Variants in COBL observed in about 807,000 individuals in gnomAD.
COBL encodes the protein cordon-bleu WH2 repeat protein.
COBL carries 51 observed loss-of-function variants against 98.8 expected under a neutral mutation model. That is an observed-to-expected ratio of 0.52 (90% CI 0.41 to 0.65). The LOEUF (loss-of-function observed/expected upper bound fraction) is 0.65. COBL is among the 30% of genes least tolerant of loss of function. The probability of loss-of-function intolerance (pLI) is 0.00; values close to 1 mark genes in which losing one functional copy is unlikely to be tolerated. For synonymous variants in COBL, 634 were observed against 651.7 expected (o/e 0.97, Z 0.41); for missense variants, 1,617 against 1,617.5 (o/e 1.00, Z 0.01).
Position 51,043,364 on chromosome 7 carries a change from C to T in COBL, c.1406+19G>A. On this transcript the variant is annotated intron_variant, in intron 8 of 12. Coordinates refer to ENST00000265136, the MANE Select transcript of COBL (RefSeq NM_015198.5). ...TGTGGCTGTGACTTCCGTACCCACC[C>T]ATCCTTCCCGTGACTCACCTCAGAT... 2 of 1,610,560 alleles carry T rather than the reference C, an allele frequency of 1.2e-6. No homozygotes were observed. Among genetic ancestry groups the T allele is most frequent in the East Asian group, 2.2e-5 (1 of 44,834 alleles).
At chr7:51,280,635 A>G (rs925588979) in intron 1 of COBL, among the ~76,000 whole-genome samples, 40 of 152,296 alleles carry the variant, frequency 2.6e-4, no homozygotes, top group Middle Eastern at 3.4e-3. Context: ...AGGTCTAGGG[A>G]AGTAGAAAGC....
intron 7 of COBL, among the ~76,000 whole-genome samples, chr7:51,079,208 G>T (rs1162535168): frequency 6.6e-6 from 1 of 152,134 alleles, no homozygotes; most frequent in Non-Finnish European, 1.5e-5. Context: ...AAGGTGCCAA[G>T]GCTGGATGCT....
intron 1 of COBL, among the ~76,000 whole-genome samples, chr7:51,245,441 C>T (rs894651311): frequency 1.3e-5 from 2 of 152,224 alleles, no homozygotes; most frequent in Non-Finnish European, 2.9e-5. Flanking sequence ...AGCTCTACAA[C>T]ATTTGTACTG....
At chr7:51,043,726 A>C (rs1443357585) in intron 7 of COBL, 34 bp from the exon 8 acceptor site, 2 of 1,583,426 alleles carry the variant, frequency 1.3e-6, no homozygotes, top group African/African-American at 1.3e-5. Context: ...GGTCAGCCCA[A>C]ACCACTCTGG....
At chr7:51,271,659 G>GA (rs907746871) in intron 1 of COBL, among the ~76,000 whole-genome samples, 8 of 152,248 alleles carry the variant, frequency 5.3e-5, no homozygotes, top group South Asian at 2.1e-4. Context: ...ACTGAGGAGG[G>GA]AAAAAACTCA....
At chr7:51,073,458 A>G (rs1274089545) in intron 7 of COBL, 2 of 601,472 alleles carry the variant, frequency 3.3e-6, no homozygotes, top group Non-Finnish European at 3.1e-6. Flanking sequence ...ATTATCATTC[A>G]TTTTCCAGCC....
intron 1 of COBL, among the ~76,000 whole-genome samples, chr7:51,262,572 C>A (rs919254796): frequency 6.6e-6 from 1 of 152,186 alleles, no homozygotes; most frequent in Non-Finnish European, 1.5e-5. Flanking sequence ...TGGGAAGTCA[C>A]GACAGGCAGC....
intron 2 of COBL, among the ~76,000 whole-genome samples, chr7:51,211,945 G>C (rs528035768): frequency 1.1e-4 from 17 of 152,186 alleles, no homozygotes; most frequent in Middle Eastern, 6.8e-3. Flanking sequence ...TCAATGGAAG[G>C]ATAAAAGACA....
At chr7:51,158,105 G>A (rs995282660) in intron 5 of COBL, among the ~76,000 whole-genome samples, 10 of 152,138 alleles carry the variant, frequency 6.6e-5, no homozygotes, top group African/African-American at 2.4e-4. Flanking sequence ...TTTCTTAGTC[G>A]TTAACAAAAA....
chr7:51,288,884 C>A (rs199673010), intron 1 of COBL, among the ~76,000 whole-genome samples: 4 of 118,058 alleles, frequency 3.4e-5, no homozygotes, highest in African/African-American at 3.7e-5. Context: ...TTGTATGCAA[C>A]TAATTTACTC....
At chr7:51,191,106 T>C in intron 3 of COBL, 28 bp from the exon 4 acceptor site, 4 of 1,594,234 alleles carry the variant, frequency 2.5e-6, no homozygotes, top group Non-Finnish European at 3.4e-6. Flanking sequence ...CAAAAAGAAT[T>C]CAGTAAGATA....
intron 1 of COBL, among the ~76,000 whole-genome samples, chr7:51,268,514 A>G (rs2129159616): frequency 6.6e-6 from 1 of 152,298 alleles, no homozygotes; most frequent in South Asian, 2.1e-4. Flanking sequence ...GTTACTAAGC[A>G]TTCACTCTGT....
chr7:51,245,114 C>A (rs1405421000), intron 1 of COBL, among the ~76,000 whole-genome samples: 1 of 152,172 alleles, frequency 6.6e-6, no homozygotes, highest in Non-Finnish European at 1.5e-5. Context: ...TACAGCCAGG[C>A]TTCCTCCACA....
chr7:51,256,449 C>T (rs1311567835), intron 1 of COBL, among the ~76,000 whole-genome samples: 1 of 152,206 alleles, frequency 6.6e-6, no homozygotes, highest in Non-Finnish European at 1.5e-5. Context: ...CACACAATAA[C>T]TCACAGGCTG....
intron 4 of COBL, chr7:51,188,021 C>G: frequency 8.3e-7 from 1 of 1,205,304 alleles, no homozygotes. Flanking sequence ...GTCCCTGACC[C>G]AGGCCTTGGC....
intron 2 of COBL, among the ~76,000 whole-genome samples, chr7:51,199,080 C>T (rs1563027412): frequency 6.6e-6 from 1 of 152,176 alleles, no homozygotes; most frequent in Non-Finnish European, 1.5e-5. Context: ...CCATACCCAA[C>T]CTATCCCCCC....
Position 51,028,560 on chromosome 7 carries a change from C to T in COBL, c.2536G>A (p.Val846Met), listed in dbSNP as rs1188047413. 2 of 1,614,144 alleles carry T rather than the reference C, an allele frequency of 1.2e-6. No individual in the cohort carries two copies. Among genetic ancestry groups the T allele is most frequent in the Non-Finnish European group, 8.5e-7 (1 of 1,180,058 alleles). The change falls in exon 10 of 13, where the codon GTG (valine) becomes ATG (methionine). Residue 846 changes from valine (V) to methionine (M), a missense_variant. Transcript: ENST00000265136. ...PPTMGMGHVR[V>M]PAAHTTEVTF... ...ACTTCTGTGGTGTGAGCTGCTGGCA[C>T]CCTCACGTGACCCATGCCCATGGTG...
intron 1 of COBL, among the ~76,000 whole-genome samples, chr7:51,264,304 G>C (rs1273653450): frequency 6.6e-6 from 1 of 152,168 alleles, no homozygotes; most frequent in Non-Finnish European, 1.5e-5. Context: ...CAGCCACACA[G>C]GGCACAGAGA....
chr7:51,125,371 G>A (rs1487103891), intron 6 of COBL, among the ~76,000 whole-genome samples: 1 of 151,702 alleles, frequency 6.6e-6, no homozygotes. Flanking sequence ...CTGACACCTT[G>A]GTCTTGAACT....
Sources: allele counts gnomAD v4.1 joint callset (sites outside exome capture counted in the v4.1 genomes callset), GRCh38; gene constraint gnomAD v4.1.1; transcripts MANE v1.5; gene names NCBI Gene and HGNC (gene_info 2026-07-23, HGNC 2026-07-21).